The following PREX2 variants were observed in gnomAD, a reference collection of about 807,000 sequenced individuals.
PREX2 encodes the protein phosphatidylinositol 3,4,5-trisphosphate-dependent Rac exchanger 2 protein.
A neutral mutation model predicts 203.2 loss-of-function variants in PREX2; 107 were observed. That is an observed-to-expected ratio of 0.53 (90% CI 0.45 to 0.62). PREX2 has a LOEUF of 0.62. Among genes scored for constraint, PREX2 ranks in the 20% least tolerant of loss-of-function variants. PREX2 has a pLI of 0.00. For missense variants in PREX2, 1,777 were observed against 1,955.9 expected, an observed-to-expected ratio of 0.91 and a Z score of 1.72; for synonymous variants, 672 against 663.6, an observed-to-expected ratio of 1.01 and a Z score of -0.19.
intron 1 of PREX2, among the ~76,000 whole-genome samples, chr8:68,015,469 A>T (rs968734214): frequency 2.0e-5 from 3 of 152,208 alleles, no homozygotes; most frequent in African/African-American, 7.2e-5. Flanking sequence ...GACATGGTTT[A>T]CTTTCTTAGT....
intron 1 of PREX2, among the ~76,000 whole-genome samples, chr8:67,962,672 T>G (rs1478949155): frequency 6.6e-6 from 1 of 151,828 alleles, no homozygotes; most frequent in African/African-American, 2.4e-5. Flanking sequence ...AGTGGCATGA[T>G]CTCGGCTCAC....
chr8:67,979,081 C>T (rs949805010), intron 1 of PREX2, among the ~76,000 whole-genome samples: 2 of 152,058 alleles, frequency 1.3e-5, no homozygotes, highest in African/African-American at 2.4e-5. Context: ...TTGCAAATAG[C>T]GTGAGAAAGA....
In PREX2 at chr8:68,087,719, T is replaced by C; in HGVS notation, c.2028-5T>C. 6.2e-7 allele frequency: 1 copy of C among 1,608,356 alleles called. No individual in the cohort carries two copies. Among genetic ancestry groups the C allele is most frequent in the Non-Finnish European group, 8.5e-7 (1 of 1,174,794 alleles). ...TCATCTTACCTTATTTTCTGATTGA[T>C]TTAGGACAGTGAAAATTCCAGATTC... On this transcript the variant is annotated splice_polypyrimidine_tract_variant and splice_region_variant and intron_variant, in intron 18 of 39. Coordinates refer to ENST00000288368, the MANE Select transcript of PREX2 (RefSeq NM_024870.4).
intron 35 of PREX2, among the ~76,000 whole-genome samples, chr8:68,188,200 A>C (rs1812227771): frequency 6.6e-6 from 1 of 152,240 alleles, no homozygotes. Flanking sequence ...CCAGATGTCA[A>C]AACAATGTCA....
intron 34 of PREX2, among the ~76,000 whole-genome samples, chr8:68,149,864 C>T (rs1032366283): frequency 1.3e-5 from 2 of 152,188 alleles, no homozygotes; most frequent in Admixed American, 6.5e-5. Context: ...GATTATGAAA[C>T]GCTGTGCAAT....
intron 8 of PREX2, among the ~76,000 whole-genome samples, chr8:68,047,035 G>C (rs191419327): frequency 5.6e-4 from 85 of 152,116 alleles, no homozygotes; most frequent in African/African-American, 1.9e-3. Flanking sequence ...CCAGGACAGA[G>C]CTGGAGCTAG....
intron 35 of PREX2, among the ~76,000 whole-genome samples, chr8:68,170,100 C>T (rs762150428): frequency 1.6e-4 from 25 of 152,094 alleles, no homozygotes; most frequent in African/African-American, 6.0e-4. Flanking sequence ...CTTCCCAGAG[C>T]CAGTGAATGG....
chr8:68,061,511 G>A (rs1393365839), intron 11 of PREX2, among the ~76,000 whole-genome samples: 1 of 152,182 alleles, frequency 6.6e-6, no homozygotes, highest in Admixed American at 6.5e-5. Context: ...GGAGTGGCGG[G>A]ACAAGGTCTT....
intron 30 of PREX2, among the ~76,000 whole-genome samples, chr8:68,123,912 C>G (rs1251847219): frequency 6.6e-6 from 1 of 151,986 alleles, no homozygotes; most frequent in African/African-American, 2.4e-5. Flanking sequence ...CTAACTTATT[C>G]TAGGAGGCCA....
intron 37 of PREX2, among the ~76,000 whole-genome samples, chr8:68,195,514 T>C (rs1812377328): frequency 6.6e-6 from 1 of 152,180 alleles, no homozygotes; most frequent in South Asian, 2.1e-4. Flanking sequence ...TATGCTTAGA[T>C]TTTTCATGAT....
At chr8:68,036,193 G>A (rs138900949) in intron 6 of PREX2, among the ~76,000 whole-genome samples, 8 of 152,226 alleles carry the variant, frequency 5.3e-5, no homozygotes, top group Admixed American at 2.0e-4. Flanking sequence ...CGAACGAACA[G>A]GATGGAGGAA....
chr8:68,135,555 T>G (rs1563560834), intron 32 of PREX2, among the ~76,000 whole-genome samples: 1 of 152,146 alleles, frequency 6.6e-6, no homozygotes, highest in Non-Finnish European at 1.5e-5. Context: ...TATGGATGGC[T>G]GTAATACAAA....
intron 30 of PREX2, among the ~76,000 whole-genome samples, chr8:68,125,211 T>C (rs1810863241): frequency 6.6e-6 from 1 of 152,120 alleles, no homozygotes; most frequent in Non-Finnish European, 1.5e-5. Flanking sequence ...ATTTATCCTA[T>C]TCAACTTAAG....
chr8:68,030,733 G>A (rs924903748), intron 6 of PREX2, 75 bp downstream of exon 6: 1 of 1,402,894 alleles, frequency 7.1e-7, no homozygotes, highest in African/African-American at 1.4e-5. Flanking sequence ...TACTGGCGTT[G>A]GATGGAACCA....
At chr8:68,154,912 A>T (rs1034298814) in intron 34 of PREX2, among the ~76,000 whole-genome samples, 2 of 152,194 alleles carry the variant, frequency 1.3e-5, no homozygotes, top group African/African-American at 4.8e-5. Context: ...AGGCAGTAAA[A>T]TGTTTATTAG....
chr8:68,109,616 A>G lies in PREX2; in HGVS notation c.3139A>G (p.Ile1047Val). The G allele has an allele frequency of 1.2e-6, 2 of 1,613,594 alleles. No individual in the cohort carries two copies. Among genetic ancestry groups the G allele is most frequent in the Non-Finnish European group, 1.7e-6 (2 of 1,179,528 alleles). The change falls in exon 25 of 40, where the codon ATA becomes GTA. Residue 1047 changes from isoleucine (I) to valine (V), a missense_variant. By Grantham distance (29) the Ile-to-Val change is conservative. Transcript: ENST00000288368. ...AGAGGTGGAGATGTGTGTTTGTCAA[A>G]TAGATGAGTAAGTGTTTTGTACTAC... is the stretch of plus-strand genomic sequence containing the variant. ...LKEVEMCVCQ[I>V]DDLLSSITYS... is the part of the protein sequence containing the mutation.
At chr8:68,225,590 G>A (rs1389842033) in intron 39 of PREX2, among the ~76,000 whole-genome samples, 3 of 152,200 alleles carry the variant, frequency 2.0e-5, no homozygotes, top group African/African-American at 4.8e-5. Context: ...CATTTGTGAA[G>A]TAATATTTCA....
intron 14 of PREX2, among the ~76,000 whole-genome samples, chr8:68,073,526 A>G (rs1294915245): frequency 6.6e-6 from 1 of 152,172 alleles, no homozygotes; most frequent in Non-Finnish European, 1.5e-5. Flanking sequence ...GATAATTTAT[A>G]TTAGTTAATA....
chr8:68,139,576 G>A (rs962378919), intron 33 of PREX2, among the ~76,000 whole-genome samples: 2 of 152,202 alleles, frequency 1.3e-5, no homozygotes, highest in African/African-American at 4.8e-5. Flanking sequence ...TGACTGCTGT[G>A]TTAAATAGAC....
Sources: gnomAD v4.1 joint callset for allele counts (sites outside exome capture counted in the v4.1 genomes callset) on GRCh38, gnomAD v4.1.1 for gene constraint, MANE v1.5 for transcripts, NCBI Gene and HGNC (gene_info 2026-07-23, HGNC 2026-07-21) for gene names.